The following SMCHD1 variants were observed in gnomAD, a reference collection of about 807,000 sequenced individuals.
The protein encoded by SMCHD1 is structural maintenance of chromosomes flexible hinge domain containing 1, also known as structural maintenance of chromosomes flexible hinge domain-containing protein 1.
Under a neutral mutation model 254.7 loss-of-function variants are expected in SMCHD1, and 78 were observed. The observed-to-expected ratio is 0.31, with a 90% CI of 0.26 to 0.37. The LOEUF is 0.37. Ranked by LOEUF, SMCHD1 falls within the 10% of genes least tolerant of loss-of-function variation. SMCHD1 has a pLI of 1.00. For synonymous variants in SMCHD1, 766 were observed against 794.9 expected, an observed-to-expected ratio of 0.96 and a Z score of 0.61; for missense variants, 1,840 against 2,408.1, an observed-to-expected ratio of 0.76 and a Z score of 4.94.
Position 2,789,614 on chromosome 18 carries a change from A to T in SMCHD1, c.5719+4993A>T, listed in dbSNP as rs1290952732. On this transcript the variant is annotated intron_variant, in intron 45 of 47. Transcript: ENST00000320876. ...TCACAGTAGTGTGAAACCAATACAC[A>T]TTCAGTATGCTTCTCAACTTATAAT... Among the ~76,000 whole-genome samples the T allele has an allele frequency of 2.0e-5, 3 of 152,316 alleles. No individual in the cohort carries two copies. In the East Asian group the frequency reaches 5.8e-4, roughly 29 times the overall value.
chr18:2,697,817 C>A lies in SMCHD1; in HGVS notation c.1132-14C>A. Reference sequence around the variant, plus strand: ...CCATAGAATTTAATTATTTTTGTTTCCTTTTTATTTTAGATTTCTATGTTT... The same window carrying A: ...CCATAGAATTTAATTATTTTTGTTTACTTTTTATTTTAGATTTCTATGTTT... On this transcript the variant is annotated splice_polypyrimidine_tract_variant and intron_variant, in intron 9 of 47. Coordinates refer to ENST00000320876, the MANE Select transcript of SMCHD1 (RefSeq NM_015295.3). The A allele has an allele frequency of 6.5e-7, 1 of 1,541,724 alleles. No homozygotes were observed. The highest frequency in any genetic ancestry group is 1.4e-5 in the African/African-American group (1 of 73,250).
chr18:2,671,488 G>A (rs1400839754), intron 3 of SMCHD1, among the ~76,000 whole-genome samples: 1 of 150,100 alleles, frequency 6.7e-6, no homozygotes, highest in African/African-American at 2.5e-5. Flanking sequence ...CTTGATTTCT[G>A]TGACTTTACA....
chr18:2,675,430 A>G (rs952921992), intron 5 of SMCHD1, among the ~76,000 whole-genome samples: 3 of 151,714 alleles, frequency 2.0e-5, no homozygotes, highest in Non-Finnish European at 4.4e-5. Flanking sequence ...ATGCCTGGCT[A>G]TTTTTTGTAT....
chr18:2,728,629 C>A, intron 23 of SMCHD1, 33 bp downstream of exon 23: 1 of 1,596,848 alleles, frequency 6.3e-7, no homozygotes, highest in Non-Finnish European at 8.5e-7. Flanking sequence ...AGATTGAGTC[C>A]CATTGTAGTA....
In SMCHD1 at chr18:2,777,924, C is replaced by T. The variant is rs527648000; in HGVS notation, c.5476+9C>T. 251 of 1,475,638 alleles carry T rather than the reference C, an allele frequency of 1.7e-4. No homozygotes were observed. The East Asian group carries it at 4.8e-3, about 28-fold the overall frequency. 91.4% of individuals were successfully genotyped at this position (1,475,638 alleles called of 1,614,324 possible). On this transcript the variant is annotated intron_variant, in intron 43 of 47. Transcript: ENST00000320876. Reference sequence around the variant, plus strand: ...AGAACATTGTGAAACAGGTAAAAGACATTATGGTGACTTTACTTTTGTACA... The same window carrying T: ...AGAACATTGTGAAACAGGTAAAAGATATTATGGTGACTTTACTTTTGTACA...
At chr18:2,662,136 G>C (rs1317139271) in intron 1 of SMCHD1, among the ~76,000 whole-genome samples, 1 of 136,498 alleles carries the variant, frequency 7.3e-6, no homozygotes, top group Non-Finnish European at 1.5e-5. Context: ...TCCGCAGTCC[G>C]GCCTGGGCGA....
At chr18:2,715,962 C>A (rs1450004994) in intron 17 of SMCHD1, among the ~76,000 whole-genome samples, 2 of 152,122 alleles carry the variant, frequency 1.3e-5, no homozygotes, top group Non-Finnish European at 2.9e-5. Context: ...ACTGTCATAG[C>A]ACCTTATTTT....
At chr18:2,799,860 G>A (rs1019893069) in intron 47 of SMCHD1, among the ~76,000 whole-genome samples, 1 of 151,606 alleles carries the variant, frequency 6.6e-6, no homozygotes, top group Non-Finnish European at 1.5e-5. Context: ...CTGCCATCCT[G>A]GGTCTTCCTT....
Position 2,697,905 on chromosome 18 carries a change from G to A in SMCHD1, c.1206G>A (p.Leu402=). The A allele has an allele frequency of 6.2e-7, 1 of 1,613,714 alleles. No individual in the cohort carries two copies. Among genetic ancestry groups the A allele is most frequent in the Non-Finnish European group, 8.5e-7 (1 of 1,179,730 alleles). The part of the protein sequence containing the change: ...LREIQDDMQT[L]YVNTAADSFE... ...AAATACAAGACGACATGCAGACGTTGTATGTAAACACAGCAGCTGATAGTT... is the reference window on the plus strand; with the variant it reads ...AAATACAAGACGACATGCAGACGTTATATGTAAACACAGCAGCTGATAGTT... The change falls in exon 10 of 48, where the codon TTG becomes TTA. Residue 402 remains leucine, a synonymous_variant. Coordinates refer to ENST00000320876, the MANE Select transcript of SMCHD1 (RefSeq NM_015295.3).
intron 37 of SMCHD1, 93 bp downstream of exon 37, chr18:2,763,882 A>G (rs2075826437): frequency 8.5e-7 from 1 of 1,169,964 alleles, no homozygotes; most frequent in African/African-American, 1.6e-5. Flanking sequence ...ATAGCTATGA[A>G]GATGTTCTAA....
At chr18:2,689,852 T>TAAAA (rs1167921048) in intron 7 of SMCHD1, among the ~76,000 whole-genome samples, 8 of 72,514 alleles carry the variant, frequency 1.1e-4, no homozygotes, top group Admixed American at 1.7e-4. Context: ...TTGTCTCTAC[T>TAAAA]AAAAAAAAAA....
At chr18:2,687,895 C>T (rs189786781) in intron 5 of SMCHD1, among the ~76,000 whole-genome samples, 16 of 152,218 alleles carry the variant, frequency 1.1e-4, no homozygotes, top group Non-Finnish European at 1.5e-4. Context: ...ATGATGTCCC[C>T]GGAGACTTTG....
intron 38 of SMCHD1, 44 bp downstream of exon 38, chr18:2,769,864 T>G (rs765852115): frequency 6.4e-7 from 1 of 1,572,826 alleles, no homozygotes. Context: ...TTGTTAGTGA[T>G]ACTTTAGATA....
chr18:2,763,954 C>T (rs2075827493), intron 37 of SMCHD1, 165 bp downstream of exon 37: 1 of 600,814 alleles, frequency 1.7e-6, no homozygotes, highest in Non-Finnish European at 2.7e-6. Flanking sequence ...ACAAATTGAA[C>T]CCAAGATCTT....
At chr18:2,801,078 CA>C (rs2076353242) in intron 47 of SMCHD1, 1 of 152,028 alleles carries the variant, frequency 6.6e-6, no homozygotes, top group African/African-American at 2.4e-5. Flanking sequence ...AGATAGAAGA[CA>C]TAGAGAACCA....
Position 2,718,192 on chromosome 18 carries a change from T to C in SMCHD1, c.2295T>C (p.Ile765=), listed in dbSNP as rs1238163579. 2 of 1,612,820 alleles carry C rather than the reference T, an allele frequency of 1.2e-6. No homozygotes were observed. The highest frequency in any genetic ancestry group is 2.2e-5 in the South Asian group (2 of 90,940). The change falls in exon 18 of 48, where the codon ATT becomes ATC. Residue 765 remains isoleucine, a synonymous_variant. Transcript: ENST00000320876. This position sits in a 1 kb window ranked among gnomAD's most constrained non-coding sequence, Gnocchi z 4.6. ...GAAATAAAGAGATTATTTCGCATAT[T>C]AGTCAACATGGAGGAAAATGGCCTT... ...SSGNKEIISH[I]SQHGGKWPYW...
rs754342695 is a variant in SMCHD1, at chr18:2,706,435, A to G, written c.2028A>G (p.Lys676=). The G allele has an allele frequency of 6.3e-7, 1 of 1,591,272 alleles. No individual in the cohort carries two copies. The highest frequency in any genetic ancestry group is 2.3e-5 in the East Asian group (1 of 44,194). ...AGCTGGATAGGACAGTTGCTGAGAA[A>G]GCTGTTAAAAAATATGTAGAAGATG... ...IAKLDRTVAE[K]AVKKYVEDEM... is the part of the protein sequence containing the mutation. Residue 676 remains lysine (K), a synonymous_variant, in exon 15 of 48, where the codon AAA becomes AAG. Coordinates refer to ENST00000320876, the MANE Select transcript of SMCHD1 (RefSeq NM_015295.3).
intron 45 of SMCHD1, among the ~76,000 whole-genome samples, chr18:2,792,025 C>G (rs1344963365): frequency 6.6e-6 from 1 of 152,186 alleles, no homozygotes. Flanking sequence ...AAATCTGAAA[C>G]TATACTAACT....
At chr18:2,674,750 GT>G (rs1274463193) in intron 5 of SMCHD1, among the ~76,000 whole-genome samples, 1 of 152,174 alleles carries the variant, frequency 6.6e-6, no homozygotes, top group East Asian at 1.9e-4. Context: ...TTTAAGCTAT[GT>G]TGCTCTACTT....
Sources: allele counts gnomAD v4.1 joint callset (sites outside exome capture counted in the v4.1 genomes callset), GRCh38; gene constraint gnomAD v4.1.1; non-coding constraint Gnocchi (gnomAD v3.1); transcripts MANE v1.5; gene names NCBI Gene and HGNC (gene_info 2026-07-23, HGNC 2026-07-21).